The following RBFOX3 variants were observed in gnomAD, a reference collection of about 807,000 sequenced individuals.
RBFOX3 encodes the protein RNA binding fox-1 homolog 3.
RBFOX3 carries 17 observed loss-of-function variants against 48.7 expected under a neutral mutation model. The observed-to-expected ratio is 0.35, with a 90% CI of 0.24 to 0.52. The LOEUF is 0.52. Ranked by LOEUF, RBFOX3 falls within the 20% of genes least tolerant of loss-of-function variation. RBFOX3 has a pLI of 0.94. For synonymous variants in RBFOX3, 212 were observed against 209.5 expected (o/e 1.01, Z -0.10); for missense variants, 382 against 497.5 (o/e 0.77, Z 2.21).
At chr17:79,141,904 G>A (rs1163969039) in intron 4 of RBFOX3, among the ~76,000 whole-genome samples, 1 of 152,186 alleles carries the variant, frequency 6.6e-6, no homozygotes, top group Non-Finnish European at 1.5e-5. Flanking sequence ...AGCCAGCCTG[G>A]CCTCCCCTAC....
intron 1 of RBFOX3, among the ~76,000 whole-genome samples, chr17:79,581,935 T>C: frequency 6.6e-6 from 1 of 152,216 alleles, no homozygotes; most frequent in South Asian, 2.1e-4. Context: ...TGTGTGCCTG[T>C]GTATGCAAGC....
the RBFOX3 span, among the ~76,000 whole-genome samples, chr17:79,657,062 T>C: frequency 5.7e-4 from 87 of 152,208 alleles, 1 homozygote; most frequent in South Asian, 0.018. Context: ...GGAGGGCCTT[T>C]TCAGAAGGCA....
intron 4 of RBFOX3, among the ~76,000 whole-genome samples, chr17:79,180,341 A>G (rs1315686687): frequency 6.6e-6 from 1 of 152,246 alleles, no homozygotes; most frequent in Non-Finnish European, 1.5e-5. Context: ...CTATAGGCTT[A>G]GAAAGCCTGT....
chr17:79,438,104 G>GCACACGCA, intron 2 of RBFOX3, among the ~76,000 whole-genome samples: 1 of 150,790 alleles, frequency 6.6e-6, no homozygotes, highest in Non-Finnish European at 1.5e-5. Flanking sequence ...GTGCACAGGC[G>GCACACGCA]CACACACACA....
In RBFOX3 at chr17:79,471,204, C is replaced by T. The variant is rs572596422; in HGVS notation, c.-175+11250G>A. 6.9e-4 allele frequency among the ~76,000 whole-genome samples: 105 copies of T among 152,268 alleles called. 2 individuals carry two copies. In the South Asian group the frequency reaches 0.021, roughly 30 times the overall value. On this transcript the variant is annotated intron_variant, in intron 2 of 14. Coordinates refer to ENST00000693108, the MANE Select transcript of RBFOX3 (RefSeq NM_001350451.2). This position sits in a 1 kb window ranked among gnomAD's most constrained non-coding sequence, Gnocchi z 4.0. ...TCCTGCTGGAAGAGGCCAGGACACA[C>T]GAAGGGTCTCTCATGGGAAGCAGCC... is the stretch of plus-strand genomic sequence containing the variant.
chr17:79,182,436 G>A (rs897158975), intron 4 of RBFOX3, among the ~76,000 whole-genome samples: 2 of 152,196 alleles, frequency 1.3e-5, no homozygotes, highest in Non-Finnish European at 2.9e-5. Context: ...GAGGCCGAGG[G>A]GCCTGGGGGA....
intron 2 of RBFOX3, among the ~76,000 whole-genome samples, chr17:79,400,935 G>A (rs1375156483): frequency 6.6e-6 from 1 of 152,218 alleles, no homozygotes; most frequent in Non-Finnish European, 1.5e-5. Context: ...TGTGTCTACA[G>A]ACAGCCTAGC....
intron 4 of RBFOX3, among the ~76,000 whole-genome samples, chr17:79,211,095 T>C (rs1028720742): frequency 6.6e-6 from 1 of 152,022 alleles, no homozygotes; most frequent in Admixed American, 6.5e-5. Flanking sequence ...CAAAACACCA[T>C]GAGGGTGCCG....
At chr17:79,216,972 G>C (rs1455230358) in intron 4 of RBFOX3, among the ~76,000 whole-genome samples, 1 of 152,124 alleles carries the variant, frequency 6.6e-6, no homozygotes, top group East Asian at 1.9e-4. Context: ...CCTCCTCCAG[G>C]GGGTATCCCC....
chr17:79,405,955 T>C (rs2063485598), intron 2 of RBFOX3, among the ~76,000 whole-genome samples: 2 of 152,234 alleles, frequency 1.3e-5, no homozygotes, highest in Admixed American at 6.5e-5. Context: ...ACTGCACGCC[T>C]TCACTGCTGG....
intron 4 of RBFOX3, among the ~76,000 whole-genome samples, chr17:79,171,338 G>C (rs1194867257): frequency 6.6e-6 from 1 of 152,200 alleles, no homozygotes; most frequent in African/African-American, 2.4e-5. Flanking sequence ...GCCATCTGCG[G>C]ACAGGGCTGG....
At chr17:79,631,598 C>T in the RBFOX3 span, among the ~76,000 whole-genome samples, 24 of 152,202 alleles carry the variant, frequency 1.6e-4, no homozygotes, top group African/African-American at 5.8e-4. Context: ...CACCATTTCT[C>T]ATGGTATTGA....
At chr17:79,236,880 A>G (rs950408636) in intron 3 of RBFOX3, among the ~76,000 whole-genome samples, 5 of 152,204 alleles carry the variant, frequency 3.3e-5, no homozygotes, top group African/African-American at 1.2e-4. Context: ...TGTGCTTTAA[A>G]CAAACTTAGA....
intron 1 of RBFOX3, among the ~76,000 whole-genome samples, chr17:79,586,440 T>A (rs2093252059): frequency 2.0e-5 from 3 of 152,208 alleles, no homozygotes. Context: ...AGATGACCCC[T>A]GGACTCATGA....
At chr17:79,539,843 A>G (rs782075276) in intron 1 of RBFOX3, among the ~76,000 whole-genome samples, 1 of 152,236 alleles carries the variant, frequency 6.6e-6, no homozygotes, top group Non-Finnish European at 1.5e-5. Context: ...GGGAATAAGA[A>G]CATGGCGCAT....
At chr17:79,602,666 T>C (rs2093732239) in intron 1 of RBFOX3, among the ~76,000 whole-genome samples, 1 of 151,856 alleles carries the variant, frequency 6.6e-6, no homozygotes, top group African/African-American at 2.4e-5. Context: ...CACACTTTGT[T>C]TTTTTTTTCT....
intron 5 of RBFOX3, among the ~76,000 whole-genome samples, chr17:79,115,267 C>G (rs2033568071): frequency 6.6e-6 from 1 of 152,226 alleles, no homozygotes; most frequent in Non-Finnish European, 1.5e-5. Flanking sequence ...GCCTGCTCAT[C>G]ACAAAGCTCC....
At chr17:79,185,556 C>T (rs1178674657) in intron 4 of RBFOX3, among the ~76,000 whole-genome samples, 1 of 152,120 alleles carries the variant, frequency 6.6e-6, no homozygotes, top group Admixed American at 6.5e-5. Flanking sequence ...TCTCTGGGCA[C>T]CTGTCCGTCA....
chr17:79,154,352 T>C (rs1021705902), intron 4 of RBFOX3, among the ~76,000 whole-genome samples: 92 of 152,098 alleles, frequency 6.0e-4, no homozygotes, highest in African/African-American at 2.1e-3. Flanking sequence ...CTGTTAGCCC[T>C]CTGTCTCGGG....
Sources: allele counts gnomAD v4.1 joint callset (sites outside exome capture counted in the v4.1 genomes callset), GRCh38; gene constraint gnomAD v4.1.1; non-coding constraint Gnocchi (gnomAD v3.1); transcripts MANE v1.5; gene names NCBI Gene and HGNC (gene_info 2026-07-23, HGNC 2026-07-21).